Variants in EIF2AK4 observed in about 807,000 individuals in gnomAD.
The protein encoded by EIF2AK4 is eukaryotic translation initiation factor 2 alpha kinase 4, also known as eIF-2-alpha kinase GCN2.
EIF2AK4 carries 139 observed loss-of-function variants against 211.1 expected under a neutral mutation model. The observed-to-expected ratio is 0.66, with a 90% confidence interval of 0.57 to 0.76. The LOEUF (loss-of-function observed/expected upper bound fraction) is 0.76. Ranked by LOEUF, EIF2AK4 falls within the 30% of genes least tolerant of loss-of-function variation. The pLI, the probability that EIF2AK4 is intolerant of heterozygous loss-of-function variation, is 0.00. For missense variants in EIF2AK4, 1,664 were observed against 2,043.8 expected, an observed-to-expected ratio of 0.81 and a Z score of 3.58; for synonymous variants, 710 against 751.3, an observed-to-expected ratio of 0.94 and a Z score of 0.90.
At chr15:39,995,111 G>T (rs953693493) in intron 18 of EIF2AK4, among the ~76,000 whole-genome samples, 2 of 152,024 alleles carry the variant, frequency 1.3e-5, no homozygotes, top group African/African-American at 4.8e-5. Context: ...CAAAGTGCTG[G>T]GATTACAGGC....
intron 4 of EIF2AK4, among the ~76,000 whole-genome samples, chr15:39,952,428 A>T (rs2140904253): frequency 6.6e-6 from 1 of 151,716 alleles, no homozygotes; most frequent in African/African-American, 2.4e-5. Flanking sequence ...GCCGTACACC[A>T]CTGCACCTGC....
At chr15:40,007,938 A>T in intron 24 of EIF2AK4, 89 bp from the exon 25 acceptor site, 2 of 1,065,672 alleles carry the variant, frequency 1.9e-6, no homozygotes, top group African/African-American at 1.6e-5. Context: ...TTTTTTTCAT[A>T]TTTGTTTCTT....
rs773103685 is a variant in EIF2AK4 at position 40,022,599 on chromosome 15, T to C, written c.4383T>C (p.His1461=). 2.5e-6 allele frequency: 4 copies of C among 1,614,148 alleles called. No homozygotes were observed. Among genetic ancestry groups the C allele is most frequent in the Middle Eastern group, 1.6e-4 (1 of 6,062 alleles). The change falls in exon 32 of 39, where the codon CAT becomes CAC. Residue 1461 remains histidine, a synonymous_variant. Transcript: ENST00000263791. Reference sequence around the variant, plus strand: ...TTGTCTCGGATAAAGAAGGAAGCCATGTCAAGGTAAAGACGTCAGAGATTT... The same window carrying C: ...TTGTCTCGGATAAAGAAGGAAGCCACGTCAAGGTAAAGACGTCAGAGATTT... ...VALVSDKEGS[H]VKVKSFEKER... is the part of the protein sequence containing the mutation.
chr15:39,965,312 C>CG (rs34327935), intron 7 of EIF2AK4, among the ~76,000 whole-genome samples: 11,209 of 152,076 alleles, frequency 0.074, 764 homozygotes, highest in Admixed American at 0.2. Context: ...TTAGTAGCGA[C>CG]GGGGTTTCAC....
chr15:40,027,239 A>G (rs1312655449), intron 33 of EIF2AK4, among the ~76,000 whole-genome samples: 1 of 152,258 alleles, frequency 6.6e-6, no homozygotes, highest in Non-Finnish European at 1.5e-5. Context: ...ACACTTTAGT[A>G]GAAGAAATGA....
chr15:39,989,646 G>T (rs1023618208), intron 15 of EIF2AK4, among the ~76,000 whole-genome samples: 1 of 152,018 alleles, frequency 6.6e-6, no homozygotes, highest in Admixed American at 6.6e-5. Flanking sequence ...GCTCTTAGAG[G>T]GACCCAGAAT....
chr15:40,030,433 A>C lies in EIF2AK4; in HGVS notation c.4636A>C (p.Thr1546Pro). ...AGCCCCGGAGAAGCTGTCAGCCAGCACTAGGAGGCGCTATGAAACTCAGGT... is the reference window on the plus strand; with the variant it reads ...AGCCCCGGAGAAGCTGTCAGCCAGCCCTAGGAGGCGCTATGAAACTCAGGT... ...VLAPEKLSAS[T>P]RRRYETQVQT... Residue 1546 changes from threonine to proline, a missense_variant, in exon 35 of 39, where the codon ACT (threonine) becomes CCT (proline). Thr to Pro is a conservative substitution (Grantham distance 38, BLOSUM62 -1). Coordinates refer to ENST00000263791, the MANE Select transcript of EIF2AK4 (RefSeq NM_001013703.4). 6.2e-7 allele frequency: 1 copy of C among 1,614,134 alleles called. No individual in the cohort carries two copies. Among genetic ancestry groups the C allele is most frequent in the Non-Finnish European group, 8.5e-7 (1 of 1,180,012 alleles).
intron 23 of EIF2AK4, 78 bp from the exon 24 acceptor site, chr15:40,006,938 G>C: frequency 9.1e-7 from 1 of 1,103,298 alleles, no homozygotes; most frequent in Non-Finnish European, 1.4e-6. Flanking sequence ...TATGGGACAG[G>C]AGTTATGTTT....
intron 8 of EIF2AK4, among the ~76,000 whole-genome samples, chr15:39,966,494 C>T (rs1254711130): frequency 1.2e-5 from 1 of 80,808 alleles, no homozygotes; most frequent in East Asian, 2.9e-4. Context: ...GAGCAAGACC[C>T]TGTCTCCAAA....
chr15:40,016,672 G>A lies in EIF2AK4; in HGVS notation c.3930G>A (p.Gln1310=), dbSNP rs1052912364. 1 of 1,613,840 alleles carries A rather than the reference G, an allele frequency of 6.2e-7. No individual in the cohort carries two copies. The highest frequency in any genetic ancestry group is 1.3e-5 in the African/African-American group (1 of 74,882). Residue 1310 remains glutamine, a splice_region_variant and synonymous_variant, in exon 28 of 39, where the codon CAG becomes CAA. Coordinates refer to ENST00000263791, the MANE Select transcript of EIF2AK4 (RefSeq NM_001013703.4). Reference sequence around the variant, plus strand: ...TGAAGAAACTCGGCATCAAGTTACAGGTTTGGCAACAGTTTGATACTGGCA... The same window carrying A: ...TGAAGAAACTCGGCATCAAGTTACAAGTTTGGCAACAGTTTGATACTGGCA... ...GLLKKLGIKL[Q]VLINLGLVYK... is the part of the protein sequence containing the mutation.
At chr15:40,019,594 C>G (rs2035355671) in intron 30 of EIF2AK4, among the ~76,000 whole-genome samples, 1 of 152,140 alleles carries the variant, frequency 6.6e-6, no homozygotes, top group Non-Finnish European at 1.5e-5. Context: ...TTGTGGACTG[C>G]ACATGGAAGG....
chr15:39,955,757 A>C lies in EIF2AK4; in HGVS notation c.732A>C (p.Ser244=). 2 of 1,610,920 alleles carry C rather than the reference A, an allele frequency of 1.2e-6. No homozygotes were observed. The highest frequency in any genetic ancestry group is 1.1e-5 in the South Asian group (1 of 90,094). The change falls in exon 6 of 39, where the codon TCA becomes TCC. Residue 244 remains serine (S), a synonymous_variant. Coordinates refer to ENST00000263791, the MANE Select transcript of EIF2AK4 (RefSeq NM_001013703.4). ...ATGGTAAACATCGGGCAAACTCCTC[A>C]GGAAGGTCTAGGTAAGTCCCTGGGA... ...VGNGKHRANS[S]GRSRRERQYS...
rs149792847 is a variant in EIF2AK4, at chr15:39,976,901, A to AT, written c.2249+66dup. The stretch of plus-strand genomic sequence containing the variant: ...ATGCGCCCCCTAGTTTCCTTTCTTT[A>AT]TTTTTTTTTCCTTTTTCCTTTCATT... On this transcript the variant is annotated intron_variant, in intron 12 of 38. Coordinates refer to ENST00000263791, the MANE Select transcript of EIF2AK4 (RefSeq NM_001013703.4). 454,863 of 1,355,732 alleles carry AT rather than the reference A, an allele frequency of 0.34. 70,618 individuals carry two copies. The highest frequency in any genetic ancestry group is 0.38 in the Middle Eastern group (1,988 of 5,228). 84.0% of individuals were successfully genotyped at this position (1,355,732 alleles called of 1,614,324 possible).
chr15:40,031,871 G>A lies in EIF2AK4; in HGVS notation c.4660-298G>A, dbSNP rs765965281. On this transcript the variant is annotated intron_variant, in intron 35 of 38. Coordinates refer to ENST00000263791, the MANE Select transcript of EIF2AK4 (RefSeq NM_001013703.4). Reference sequence around the variant, plus strand: ...CTCCCGAATAGCTAGTATTATAAGCGCCGGCCACCATGCCCTGCTAATTTT... The same window carrying A: ...CTCCCGAATAGCTAGTATTATAAGCACCGGCCACCATGCCCTGCTAATTTT... Among the ~76,000 whole-genome samples the A allele has an allele frequency of 2.6e-5, 4 of 151,962 alleles. No homozygotes were observed. The South Asian group carries it at 6.2e-4, about 24-fold the overall frequency.
chr15:39,970,764 C>G (rs1216563980), intron 9 of EIF2AK4, among the ~76,000 whole-genome samples: 2 of 152,040 alleles, frequency 1.3e-5, no homozygotes, highest in African/African-American at 4.8e-5. Flanking sequence ...AAGGCTTTAT[C>G]ATTATCAGTA....
At chr15:39,952,547 A>G (rs1347977771) in intron 4 of EIF2AK4, among the ~76,000 whole-genome samples, 1 of 152,054 alleles carries the variant, frequency 6.6e-6, no homozygotes, top group African/African-American at 2.4e-5. Flanking sequence ...AAGTGTTAGG[A>G]TTACAGGCAT....
intron 14 of EIF2AK4, among the ~76,000 whole-genome samples, chr15:39,987,506 C>A (rs1374315209): frequency 6.6e-6 from 1 of 152,104 alleles, no homozygotes; most frequent in African/African-American, 2.4e-5. Context: ...TGAGACAGAG[C>A]CCCTGTGTCA....
At chr15:39,993,561 TAAAG>T (rs1204864699) in intron 18 of EIF2AK4, among the ~76,000 whole-genome samples, 2 of 151,904 alleles carry the variant, frequency 1.3e-5, no homozygotes, top group Non-Finnish European at 2.9e-5. Flanking sequence ...ACTGCACACA[TAAAG>T]AGAAAGCCCT....
chr15:39,987,989 T>A lies in EIF2AK4; in HGVS notation c.2410T>A (p.Tyr804Asn), dbSNP rs377547643. The change falls in exon 15 of 39, where the codon TAC becomes AAC. Residue 804 changes from tyrosine (Y) to asparagine (N), a missense_variant. This residue lies in a region of EIF2AK4 where 4 missense variants were observed against 19.4 expected (regional missense o/e 0.21). Coordinates refer to ENST00000263791, the MANE Select transcript of EIF2AK4 (RefSeq NM_001013703.4). ...AVHYLYIQME[Y>N]CEKSTLRDTI... ...CTGGTTTGTCTGTATATAGATGGAGTACTGTGAGAAGAGCACTTTACGAGA... is the reference window on the plus strand; with the variant it reads ...CTGGTTTGTCTGTATATAGATGGAGAACTGTGAGAAGAGCACTTTACGAGA... The A allele has an allele frequency of 6.2e-7, 1 of 1,613,936 alleles. No homozygotes were observed. The highest frequency in any genetic ancestry group is 1.3e-5 in the African/African-American group (1 of 74,890).
Sources: allele counts gnomAD v4.1 joint callset (sites outside exome capture counted in the v4.1 genomes callset), GRCh38; gene constraint gnomAD v4.1.1; regional missense constraint gnomAD v4.1.1; transcripts MANE v1.5; gene names NCBI Gene and HGNC (gene_info 2026-07-23, HGNC 2026-07-21).